Variants in NUP160 observed in about 807,000 individuals in gnomAD.
The protein encoded by NUP160 is nuclear pore complex protein Nup160.
NUP160 carries 94 observed loss-of-function variants against 196.9 expected under a neutral mutation model. That is an observed-to-expected ratio of 0.48 (90% CI 0.40 to 0.57). The LOEUF (loss-of-function observed/expected upper bound fraction) is 0.57. NUP160 is among the 20% of genes least tolerant of loss of function. The pLI is 0.00. For missense variants in NUP160, 1,638 were observed against 1,748.3 expected, an observed-to-expected ratio of 0.94 and a Z score of 1.13; for synonymous variants, 605 against 619.7, an observed-to-expected ratio of 0.98 and a Z score of 0.35.
chr11:47,800,358 A>AAGAATTGTCATTAGTAGGAAAGT (rs2097673514), intron 23 of NUP160, among the ~76,000 whole-genome samples: 2 of 152,042 alleles, frequency 1.3e-5, no homozygotes, highest in Admixed American at 6.6e-5. Context: ...TGGAATTCAA[A>AAGAATTGTCATTAGTAGGAAAGT]AGAATTGTCA....
chr11:47,790,736 A>C (rs912674931), intron 29 of NUP160, among the ~76,000 whole-genome samples: 1 of 152,176 alleles, frequency 6.6e-6, no homozygotes, highest in Non-Finnish European at 1.5e-5. Flanking sequence ...CCTAGGCAAC[A>C]CAGTGAGACC....
chr11:47,797,817 A>G (rs988060262), exon 27 of NUP160: 8 of 1,613,160 alleles, frequency 5.0e-6, no homozygotes, highest in African/African-American at 1.3e-5. Flanking sequence ...AAAGGCATAC[A>G]GAAGTTCATA....
chr11:47,825,499 C>T (rs563599369), intron 7 of NUP160, among the ~76,000 whole-genome samples: 40 of 145,484 alleles, frequency 2.7e-4, no homozygotes, highest in Non-Finnish European at 9.0e-5. Flanking sequence ...GTCACCCAGG[C>T]TGGAGTGCAG....
intron 2 of NUP160, among the ~76,000 whole-genome samples, chr11:47,842,570 CG>C (rs972435846): frequency 6.6e-6 from 1 of 152,084 alleles, no homozygotes; most frequent in African/African-American, 2.4e-5. Flanking sequence ...CTCTGCTACC[CG>C]AATCACTCAG....
At chr11:47,838,636 G>GT (rs1208836171) in intron 4 of NUP160, among the ~76,000 whole-genome samples, 1 of 151,852 alleles carries the variant, frequency 6.6e-6, no homozygotes, top group South Asian at 2.1e-4. Flanking sequence ...TGAACCTGGG[G>GT]GGGGCGGAGG....
At chr11:47,801,105 G>C (rs370020524) in intron 23 of NUP160, among the ~76,000 whole-genome samples, 6 of 152,212 alleles carry the variant, frequency 3.9e-5, no homozygotes, top group African/African-American at 1.4e-4. Context: ...GCAGGAAACA[G>C]GTCAAGAGGA....
At chr11:47,822,142 C>G in exon 8 of NUP160, 1 of 1,608,840 alleles carries the variant, frequency 6.2e-7, no homozygotes, top group Non-Finnish European at 8.5e-7. Context: ...ACTCTCAGTG[C>G]TCACCAACTG....
At chr11:47,825,714 A>T (rs958958562) in intron 7 of NUP160, among the ~76,000 whole-genome samples, 3 of 152,138 alleles carry the variant, frequency 2.0e-5, no homozygotes, top group Non-Finnish European at 4.4e-5. Flanking sequence ...CGGCCTCCCA[A>T]AATGTTGGGA....
chr11:47,825,975 GA>G (rs1333480889), intron 7 of NUP160, among the ~76,000 whole-genome samples: 2 of 151,494 alleles, frequency 1.3e-5, no homozygotes, highest in African/African-American at 4.8e-5. Flanking sequence ...AAGTATTAAA[GA>G]AAAAAAAGCA....
At chr11:47,840,185 C>G in intron 3 of NUP160, 120 bp from the exon 4 acceptor site, 1 of 868,948 alleles carries the variant, frequency 1.2e-6, no homozygotes, top group Non-Finnish European at 1.8e-6. Flanking sequence ...GAAAGCTATT[C>G]TTCTTAATGA....
chr11:47,797,315 C>T (rs895814911), intron 27 of NUP160, among the ~76,000 whole-genome samples: 21 of 152,038 alleles, frequency 1.4e-4, no homozygotes, highest in Admixed American at 3.3e-4. Context: ...ACTGTAACCT[C>T]CGCCCCCCGC....
exon 17 of NUP160, chr11:47,812,082 T>G (rs371366748): frequency 8.7e-6 from 14 of 1,613,914 alleles, no homozygotes; most frequent in African/African-American, 1.3e-5. Flanking sequence ...CAAGCCTCAT[T>G]AACAGCTGCT....
chr11:47,808,466 G>C, exon 18 of NUP160: 1 of 1,613,928 alleles, frequency 6.2e-7, no homozygotes, highest in Non-Finnish European at 8.5e-7. Context: ...GATAAGAGTA[G>C]GGGAGCTGTT....
At chr11:47,796,439 T>A (rs1009119551) in intron 27 of NUP160, 3 of 309,386 alleles carry the variant, frequency 9.7e-6, no homozygotes, top group Non-Finnish European at 1.8e-5. Context: ...AATCATGATG[T>A]CTTTAACTTC....
chr11:47,817,897 A>G (rs2135381048), intron 11 of NUP160, among the ~76,000 whole-genome samples, 159 bp downstream of exon 11: 1 of 152,300 alleles, frequency 6.6e-6, no homozygotes, highest in African/African-American at 2.4e-5. Flanking sequence ...TATTTAATGG[A>G]AAGAACATTA....
Position 47,818,131 on chromosome 11 carries a change from G to T in NUP160, c.1363-7C>A. The stretch of plus-strand genomic sequence containing the variant: ...GACTTTGCAGATACATCTCCTATTA[G>T]AACATTAAAACAAAAGTTACTATTG... On this transcript the variant is annotated splice_region_variant and splice_polypyrimidine_tract_variant and intron_variant, in intron 10 of 35. Transcript: ENST00000378460. 6.3e-7 allele frequency: 1 copy of T among 1,590,478 alleles called. No individual in the cohort carries two copies. The highest frequency in any genetic ancestry group is 8.6e-7 in the Non-Finnish European group (1 of 1,160,936).
intron 23 of NUP160, among the ~76,000 whole-genome samples, chr11:47,800,685 C>T (rs779195525): frequency 2.6e-4 from 39 of 152,198 alleles, no homozygotes; most frequent in African/African-American, 7.5e-4. Context: ...CCATCGCGTC[C>T]GGCCAAGGGT....
chr11:47,847,812 A>G, intron 2 of NUP160, 36 bp downstream of exon 2: 1 of 1,447,444 alleles, frequency 6.9e-7, no homozygotes, highest in South Asian at 1.1e-5. Flanking sequence ...ACCAAACCCT[A>G]CCTTCCAGGG....
intron 7 of NUP160, among the ~76,000 whole-genome samples, chr11:47,831,646 C>A (rs1218177494): frequency 6.6e-6 from 1 of 151,700 alleles, no homozygotes; most frequent in East Asian, 2.0e-4. Context: ...GAGAGACCAG[C>A]CTGGCCAATA....
Sources: allele counts gnomAD v4.1 joint callset (sites outside exome capture counted in the v4.1 genomes callset), GRCh38; gene constraint gnomAD v4.1.1; transcripts MANE v1.5; gene names NCBI Gene and HGNC (gene_info 2026-07-23, HGNC 2026-07-21).